The following ZFAND3 variants were observed in gnomAD, a reference collection of about 807,000 sequenced individuals.
The protein encoded by ZFAND3 is AN1-type zinc finger protein 3.
Under a neutral mutation model 29.6 loss-of-function variants are expected in ZFAND3, and 10 were observed. That is an observed-to-expected ratio of 0.34 (90% confidence interval 0.21 to 0.57). The LOEUF (loss-of-function observed/expected upper bound fraction) is 0.57. Among genes scored for constraint, ZFAND3 ranks in the 20% least tolerant of loss-of-function variants. The pLI, the probability that ZFAND3 is intolerant of heterozygous loss-of-function variation, is 0.86. For synonymous variants in ZFAND3, 128 were observed against 112.6 expected (o/e 1.14, Z -0.87); for missense variants, 230 against 304.5 (o/e 0.76, Z 1.82).
chr6:37,965,285 AT>A (rs529308449), intron 2 of ZFAND3, among the ~76,000 whole-genome samples: 1 of 152,080 alleles, frequency 6.6e-6, no homozygotes, highest in African/African-American at 2.4e-5. Flanking sequence ...TTACTGGTCT[AT>A]TTTTTTAGAC....
chr6:38,098,888 G>T (rs1561998381), intron 4 of ZFAND3, among the ~76,000 whole-genome samples: 1 of 152,032 alleles, frequency 6.6e-6, no homozygotes, highest in East Asian at 1.9e-4. Context: ...TATATATGTG[G>T]TTTTTGTTTT....
intron 1 of ZFAND3, among the ~76,000 whole-genome samples, chr6:37,906,338 T>G (rs1334949264): frequency 6.6e-6 from 1 of 152,166 alleles, no homozygotes; most frequent in Non-Finnish European, 1.5e-5. Context: ...CTTATCCGTG[T>G]TGTTGTGTGT....
intron 1 of ZFAND3, among the ~76,000 whole-genome samples, chr6:37,853,803 T>G (rs1361687052): frequency 6.6e-6 from 1 of 152,200 alleles, no homozygotes; most frequent in African/African-American, 2.4e-5. Flanking sequence ...ATAAGTAGAT[T>G]GTATAATAAT....
chr6:38,144,475 A>G (rs1766061713), intron 5 of ZFAND3, among the ~76,000 whole-genome samples: 1 of 152,022 alleles, frequency 6.6e-6, no homozygotes, highest in South Asian at 2.1e-4. Flanking sequence ...AACCAGATCT[A>G]CCTGCCTGGG....
At chr6:38,083,942 A>G (rs767229162) in intron 4 of ZFAND3, among the ~76,000 whole-genome samples, 1 of 152,234 alleles carries the variant, frequency 6.6e-6, no homozygotes, top group South Asian at 2.1e-4. Context: ...TGTATATTTT[A>G]TATACATGGT....
At chr6:38,032,477 T>C (rs1763580173) in intron 2 of ZFAND3, among the ~76,000 whole-genome samples, 1 of 152,198 alleles carries the variant, frequency 6.6e-6, no homozygotes, top group African/African-American at 2.4e-5. Context: ...ATAGGAAGTG[T>C]CTTTAGTGTC....
chr6:38,041,682 CTT>C (rs1561976780), intron 2 of ZFAND3, among the ~76,000 whole-genome samples: 3 of 20,868 alleles, frequency 1.4e-4, no homozygotes, highest in Non-Finnish European at 2.5e-4. Context: ...TCTTCTTCTT[CTT>C]CTCCTTCTCC....
intron 2 of ZFAND3, among the ~76,000 whole-genome samples, chr6:37,960,403 G>A (rs1474883410): frequency 4.6e-5 from 7 of 152,218 alleles, no homozygotes; most frequent in African/African-American, 1.7e-4. Flanking sequence ...TATGTGGGCA[G>A]CAAACATTCA....
At chr6:37,904,400 A>G (rs1403923164) in intron 1 of ZFAND3, among the ~76,000 whole-genome samples, 1 of 152,160 alleles carries the variant, frequency 6.6e-6, no homozygotes, top group Non-Finnish European at 1.5e-5. Context: ...CACCATTCCA[A>G]TCACAGTGCC....
At chr6:37,837,145 G>A (rs1763982399) in intron 1 of ZFAND3, among the ~76,000 whole-genome samples, 1 of 152,134 alleles carries the variant, frequency 6.6e-6, no homozygotes, top group African/African-American at 2.4e-5. Flanking sequence ...TATTTCTTAA[G>A]AAAAGCTCAG....
At chr6:37,860,185 T>G (rs1246638414) in intron 1 of ZFAND3, among the ~76,000 whole-genome samples, 2 of 150,904 alleles carry the variant, frequency 1.3e-5, no homozygotes, top group Admixed American at 1.3e-4. Context: ...AGAGTTTTTT[T>G]TTTTTTTTTT....
intron 1 of ZFAND3, 56 bp downstream of exon 1, chr6:37,820,072 G>A (rs1763633415): frequency 8.4e-7 from 1 of 1,188,364 alleles, no homozygotes; most frequent in Non-Finnish European, 1.0e-6. Flanking sequence ...CAGACGCCAG[G>A]GCAGCCTGGG....
At chr6:37,855,946 C>T (rs1038256548) in intron 1 of ZFAND3, among the ~76,000 whole-genome samples, 6 of 152,056 alleles carry the variant, frequency 3.9e-5, no homozygotes, top group Non-Finnish European at 7.4e-5. Flanking sequence ...CTGTAAACCT[C>T]CATCATTTCC....
chr6:38,130,456 G>T (rs563305917), intron 5 of ZFAND3, among the ~76,000 whole-genome samples: 1 of 152,310 alleles, frequency 6.6e-6, no homozygotes, highest in Admixed American at 6.5e-5. Flanking sequence ...GCTTGTCATA[G>T]ATGGCTTTTA....
At chr6:38,115,784 A>G (rs1022598148) in intron 4 of ZFAND3, among the ~76,000 whole-genome samples, 7 of 151,768 alleles carry the variant, frequency 4.6e-5, no homozygotes, top group Non-Finnish European at 8.8e-5. Context: ...CTTGCCTGTG[A>G]TAAGAGCTTT....
intron 2 of ZFAND3, among the ~76,000 whole-genome samples, chr6:37,971,217 CT>C (rs1341498473): frequency 6.6e-6 from 1 of 152,090 alleles, no homozygotes; most frequent in Admixed American, 6.5e-5. Context: ...AATCTGAGAC[CT>C]TTTTTTCTAA....
At chr6:38,100,143 A>G (rs927523845) in intron 4 of ZFAND3, among the ~76,000 whole-genome samples, 2 of 151,902 alleles carry the variant, frequency 1.3e-5, no homozygotes, top group East Asian at 3.9e-4. Context: ...GGCTCACTGC[A>G]ACCTCCGCCT....
At chr6:37,911,248 T>C (rs1270356121) in intron 1 of ZFAND3, among the ~76,000 whole-genome samples, 1 of 152,216 alleles carries the variant, frequency 6.6e-6, no homozygotes, top group Non-Finnish European at 1.5e-5. Context: ...AGTGAGGTGA[T>C]AACTATTCCA....
rs1231620955 is a variant in ZFAND3 at position 37,922,352 on chromosome 6, T to C, written c.72-7607T>C. ...CAGTAGTAAGAGTGTGACTACATTATAGTATTAGTATGTAATGGATTGTCA... is the reference window on the plus strand; with the variant it reads ...CAGTAGTAAGAGTGTGACTACATTACAGTATTAGTATGTAATGGATTGTCA... On this transcript the variant is annotated intron_variant, in intron 1 of 5. Transcript: ENST00000287218. Among the ~76,000 whole-genome samples, 5 of 152,140 alleles carry C rather than the reference T, an allele frequency of 3.3e-5. No homozygotes were observed. The East Asian group carries it at 7.7e-4, about 23-fold the overall frequency.
Sources: gnomAD v4.1 joint callset for allele counts (sites outside exome capture counted in the v4.1 genomes callset) on GRCh38, gnomAD v4.1.1 for gene constraint, MANE v1.5 for transcripts, NCBI Gene and HGNC (gene_info 2026-07-23, HGNC 2026-07-21) for gene names.